The following CLTA variants were observed in gnomAD, a reference collection of about 807,000 sequenced individuals.
CLTA encodes clathrin light chain A, also known as clathrin, light polypeptide (Lca).
A neutral mutation model predicts 26.9 loss-of-function variants in CLTA; 9 were observed. That is an observed-to-expected ratio of 0.33 (90% CI 0.20 to 0.58). CLTA has a LOEUF of 0.58. CLTA is among the 20% of genes least tolerant of loss of function. The pLI is 0.85. For synonymous variants in CLTA, 120 were observed against 115.5 expected (o/e 1.04, Z -0.25); for missense variants, 278 against 294.2 (o/e 0.94, Z 0.40).
At chr9:36,209,187 G>T in intron 4 of CLTA, 2 of 1,570,190 alleles carry the variant, frequency 1.3e-6, no homozygotes, top group South Asian at 2.2e-5. Context: ...CTCAATTGTG[G>T]ATTTTAGATG....
In CLTA at chr9:36,202,273, C is replaced by G. The variant is rs1423519003; in HGVS notation, c.374-1795C>G. On this transcript the variant is annotated intron_variant, in intron 3 of 4. Coordinates refer to ENST00000345519, the MANE Select transcript of CLTA (RefSeq NM_001833.4). ...GGGGGAGTTTCTAGCTGCTATTAGG[C>G]TTTTTCTTATAGTTACACACAGCCT... Among the ~76,000 whole-genome samples the G allele has an allele frequency of 6.6e-5, 10 of 152,272 alleles. No individual in the cohort carries two copies. The East Asian group carries it at 1.3e-3, about 21-fold the overall frequency.
At chr9:36,205,753 C>CTTTT (rs1827681811) in intron 4 of CLTA, among the ~76,000 whole-genome samples, 2 of 121,794 alleles carry the variant, frequency 1.6e-5, no homozygotes, top group African/African-American at 6.8e-5. Context: ...GTAATGACAC[C>CTTTT]TGTTTTTTTT....
chr9:36,205,151 T>C (rs934994381), intron 4 of CLTA, among the ~76,000 whole-genome samples: 2 of 152,192 alleles, frequency 1.3e-5, no homozygotes, highest in African/African-American at 4.8e-5. Flanking sequence ...GCAGTTGGAC[T>C]CTCTTTTATA....
chr9:36,210,693 T>A (rs956055049), intron 4 of CLTA: 5 of 1,613,304 alleles, frequency 3.1e-6, no homozygotes, highest in Non-Finnish European at 3.4e-6. Context: ...CCCCTAACTG[T>A]GTGTGCCATG....
At chr9:36,197,291 T>C (rs1348824587) in intron 1 of CLTA, among the ~76,000 whole-genome samples, 1 of 152,218 alleles carries the variant, frequency 6.6e-6, no homozygotes, top group Non-Finnish European at 1.5e-5. Flanking sequence ...CTTCCATTTG[T>C]TACCACTGTA....
intron 2 of CLTA, among the ~76,000 whole-genome samples, chr9:36,197,997 CTTTTT>C (rs11308341): frequency 8.6e-5 from 9 of 104,244 alleles, no homozygotes; most frequent in Non-Finnish European, 1.3e-4. Context: ...TTATTTGAGT[CTTTTT>C]TTTTTTTTTT....
chr9:36,193,827 C>T (rs1251077399), intron 1 of CLTA, among the ~76,000 whole-genome samples: 1 of 152,064 alleles, frequency 6.6e-6, no homozygotes, highest in Non-Finnish European at 1.5e-5. Context: ...AGAAAAGAGA[C>T]GTAGGTTTAG....
At position 36,211,819 on chromosome 9, in the gene CLTA, A is replaced by G; in HGVS notation, c.*45A>G. On this transcript the variant is annotated 3_prime_UTR_variant, in exon 5 of 5. Transcript: ENST00000345519. ...ACTACATCTGCAATATCTTAATCCT[A>G]CTCAGTGAAGCTCTTCACAGTCATT... is the stretch of plus-strand genomic sequence containing the variant. 3 of 1,479,072 alleles carry G rather than the reference A, an allele frequency of 2.0e-6. No individual in the cohort carries two copies. The highest frequency in any genetic ancestry group is 2.8e-6 in the Non-Finnish European group (3 of 1,072,326). The allele number at this position is 1,479,072 out of a possible 1,614,324, so 91.6% of individuals were successfully genotyped here.
At position 36,211,635 on chromosome 9, in the gene CLTA, A is replaced by G. The variant is rs768174142; in HGVS notation, c.518A>G (p.Asp173Gly). The G allele has an allele frequency of 2.5e-6, 4 of 1,613,764 alleles. No individual in the cohort carries two copies. The highest frequency in any genetic ancestry group is 3.4e-6 in the Non-Finnish European group (4 of 1,179,744). ...GAAGAAGCCTTTGTAAATGACATTG[A>G]CGAGTCGTCCCCAGGCACTGAGTGG... Reference protein sequence around the residue: ...AAEEAFVNDIDESSPGTEWER... With the variant: ...AAEEAFVNDIGESSPGTEWER... The change falls in exon 5 of 5, where the codon GAC becomes GGC. Residue 173 changes from aspartate to glycine, a missense_variant. Physicochemically the swap from Asp to Gly is moderately conservative, Grantham distance 94. Coordinates refer to ENST00000345519, the MANE Select transcript of CLTA (RefSeq NM_001833.4).
At chr9:36,209,201 C>G in intron 4 of CLTA, 2 of 1,602,024 alleles carry the variant, frequency 1.2e-6, no homozygotes, top group Non-Finnish European at 1.7e-6. Context: ...TTAGATGTTT[C>G]TGCTTCTCAA....
At chr9:36,201,777 C>T (rs575781927) in intron 3 of CLTA, among the ~76,000 whole-genome samples, 22 of 152,248 alleles carry the variant, frequency 1.4e-4, no homozygotes, top group Middle Eastern at 6.8e-3. Context: ...ATCTTGCATT[C>T]CACATCTGTA....
intron 1 of CLTA, among the ~76,000 whole-genome samples, chr9:36,197,278 A>G (rs1323574186): frequency 6.6e-6 from 1 of 152,080 alleles, no homozygotes; most frequent in African/African-American, 2.4e-5. Flanking sequence ...TCTTTCTGCT[A>G]GTCTTCCATT....
chr9:36,193,708 A>G (rs1362757971), intron 1 of CLTA, among the ~76,000 whole-genome samples: 2 of 152,222 alleles, frequency 1.3e-5, no homozygotes, highest in African/African-American at 4.8e-5. Context: ...TGAGAGGAAA[A>G]TAAACTGGCC....
intron 4 of CLTA, among the ~76,000 whole-genome samples, chr9:36,205,755 G>GTTTTTTTTTTTTTTTTTTTTTTTT (rs746587996): frequency 1.1e-5 from 1 of 94,008 alleles, no homozygotes; most frequent in Non-Finnish European, 2.1e-5. Context: ...AATGACACCT[G>GTTTTTTTTTTTTTTTTTTTTTTTT]TTTTTTTTTT....
At chr9:36,198,545 C>T (rs1827189127) in intron 2 of CLTA, among the ~76,000 whole-genome samples, 1 of 151,722 alleles carries the variant, frequency 6.6e-6, no homozygotes, top group Non-Finnish European at 1.5e-5. Context: ...GCGGTAGTGG[C>T]ATGTGCCTGT....
At chr9:36,195,492 C>T (rs1002215555) in intron 1 of CLTA, among the ~76,000 whole-genome samples, 6 of 151,856 alleles carry the variant, frequency 4.0e-5, no homozygotes, top group African/African-American at 1.4e-4. Flanking sequence ...ATTGGCACAA[C>T]AAAGCCACCA....
chr9:36,209,307 G>A lies in CLTA; in HGVS notation c.486-2296G>A, dbSNP rs765309993. On this transcript the variant is annotated intron_variant, in intron 4 of 4. Transcript: ENST00000345519. ...TTTCTACAAACAACCCTTCGCTGAC[G>A]TGATTGGTTATGTGTATGTTGCAAA... 7.1e-5 allele frequency: 114 copies of A among 1,612,990 alleles called. 1 individual carries two copies. The East Asian group carries it at 1.9e-3, about 27-fold the overall frequency.
intron 4 of CLTA, chr9:36,209,139 A>G (rs1827894443): frequency 8.7e-7 from 1 of 1,151,550 alleles, no homozygotes; most frequent in Non-Finnish European, 1.3e-6. Flanking sequence ...GGGGTTAGGA[A>G]GGAGCCTTGG....
Position 36,211,770 on chromosome 9 carries a change from A to G in CLTA, c.653A>G (p.His218Arg). Residue 218 changes from histidine to arginine, a missense_variant, in exon 5 of 5, where the codon CAC becomes CGC. Physicochemically the swap from His to Arg is conservative, Grantham distance 29. Transcript: ENST00000345519. ...TCCCTCAAGCAGGCCCCGCTGGTGC[A>G]CTGAAGAGCCACCCTGTGGAAACAC... is the stretch of plus-strand genomic sequence containing the variant. ...LISLKQAPLV[H>R] 1.9e-6 allele frequency: 3 copies of G among 1,608,356 alleles called. No homozygotes were observed. The highest frequency in any genetic ancestry group is 2.6e-6 in the Non-Finnish European group (3 of 1,175,656).
Sources: allele counts gnomAD v4.1 joint callset (sites outside exome capture counted in the v4.1 genomes callset), GRCh38; gene constraint gnomAD v4.1.1; transcripts MANE v1.5; gene names NCBI Gene and HGNC (gene_info 2026-07-23, HGNC 2026-07-21).